The following GAB4 variants were observed in gnomAD, a reference collection of about 807,000 sequenced individuals.
GAB4 encodes the protein GRB2 associated binding protein family member 4, also known as GRB2-associated-binding protein 4.
A neutral mutation model predicts 51.3 loss-of-function variants in GAB4; 26 were observed. The ratio of observed to expected loss-of-function variants is 0.51; its 90% CI spans 0.37 to 0.70. The LOEUF is 0.70. Among genes scored for constraint, GAB4 ranks in the 30% least tolerant of loss-of-function variants. The pLI is 0.00. For missense variants in GAB4, 759 were observed against 734.6 expected (o/e 1.03, Z -0.38); for synonymous variants, 329 against 291.2 (o/e 1.13, Z -1.32).
In GAB4 at chr22:16,992,120, A is replaced by T; in HGVS notation, c.231T>A (p.Asp77Glu). 1 of 1,614,178 alleles carries T rather than the reference A, an allele frequency of 6.2e-7. No homozygotes were observed. The highest frequency in any genetic ancestry group is 2.2e-5 in the East Asian group (1 of 44,882). The change falls in exon 2 of 10, where the codon GAT becomes GAA. Residue 77 changes from aspartate (D) to glutamate (E), a missense_variant. Asp to Glu is a conservative substitution (Grantham distance 45). Around this residue, in one of 3 missense-constraint regions of GAB4, gnomAD observed 88 missense variants for 151.3 expected, o/e 0.58. Coordinates refer to ENST00000400588, the MANE Select transcript of GAB4 (RefSeq NM_001037814.1). ...CATCATTCTTGTAGTATTCCAGAACATCTGGGTCACTGCTAGTCTGGCCCC... is the reference window on the plus strand; with the variant it reads ...CATCATTCTTGTAGTATTCCAGAACTTCTGGGTCACTGCTAGTCTGGCCCC... ...LRRGQTSSDP[D>E]VLEYYKNDGS...
intron 2 of GAB4, among the ~76,000 whole-genome samples, chr22:16,989,725 G>C (rs546179127): frequency 6.6e-6 from 1 of 152,336 alleles, no homozygotes; most frequent in Non-Finnish European, 1.5e-5. Flanking sequence ...GGAGGGTGCA[G>C]CCTGGGAAGC....
intron 1 of GAB4, among the ~76,000 whole-genome samples, chr22:16,993,420 T>A (rs1409306915): frequency 6.6e-6 from 1 of 152,166 alleles, no homozygotes; most frequent in African/African-American, 2.4e-5. Context: ...TTATCACAAC[T>A]CTTTAGAACC....
intron 3 of GAB4, among the ~76,000 whole-genome samples, chr22:16,983,849 T>C (rs2060845456): frequency 6.6e-6 from 1 of 152,106 alleles, no homozygotes; most frequent in South Asian, 2.1e-4. Flanking sequence ...CCATGAAACA[T>C]GTAGAAGAAA....
chr22:16,976,131 A>G (rs1485318804), intron 3 of GAB4, among the ~76,000 whole-genome samples: 1 of 152,138 alleles, frequency 6.6e-6, no homozygotes, highest in Non-Finnish European at 1.5e-5. Flanking sequence ...GAGGATCACA[A>G]CTCCTCACCA....
chr22:16,969,223 T>C lies in GAB4; in HGVS notation c.937+720A>G, dbSNP rs2060709013. On this transcript the variant is annotated intron_variant, in intron 4 of 9. Coordinates refer to ENST00000400588, the MANE Select transcript of GAB4 (RefSeq NM_001037814.1). ...AAAATATTTTGAAGATCTCATTTTG[T>C]TTCAACAGTCTGTTAGTCCACACTG... 3.3e-5 allele frequency among the ~76,000 whole-genome samples: 5 copies of C among 152,234 alleles called. No individual in the cohort carries two copies. The South Asian group carries it at 8.3e-4, about 25-fold the overall frequency.
chr22:16,972,623 T>A (rs1172399841), intron 3 of GAB4, among the ~76,000 whole-genome samples: 1 of 152,148 alleles, frequency 6.6e-6, no homozygotes, highest in Non-Finnish European at 1.5e-5. Flanking sequence ...AATCTACTTC[T>A]CCTGACTGTT....
chr22:16,980,630 C>A (rs921000263), intron 3 of GAB4, among the ~76,000 whole-genome samples: 8 of 152,072 alleles, frequency 5.3e-5, no homozygotes, highest in Non-Finnish European at 8.8e-5. Context: ...CCAGAAATAC[C>A]ATTTGACCCA....
chr22:16,973,723 A>G (rs2060753418), intron 3 of GAB4, among the ~76,000 whole-genome samples: 1 of 152,200 alleles, frequency 6.6e-6, no homozygotes, highest in African/African-American at 2.4e-5. Flanking sequence ...TCCCATCAGC[A>G]CATGCACTCA....
intron 1 of GAB4, among the ~76,000 whole-genome samples, chr22:17,007,446 C>T (rs980262909): frequency 1.4e-5 from 2 of 147,480 alleles, no homozygotes; most frequent in African/African-American, 2.5e-5. Context: ...GCGAGGTGCC[C>T]GCGTTTTCCT....
At chr22:16,992,271 C>A in intron 1 of GAB4, 95 bp from the exon 2 acceptor site, 2 of 1,101,578 alleles carry the variant, frequency 1.8e-6, no homozygotes, top group South Asian at 3.1e-5. Context: ...GGGACTCGGA[C>A]CTGCACTCAG....
rs769659484 is a variant in GAB4 at position 16,988,020 on chromosome 22, G to C, written c.626C>G (p.Pro209Arg). 6.2e-7 allele frequency: 1 copy of C among 1,609,964 alleles called. No homozygotes were observed. The highest frequency in any genetic ancestry group is 8.5e-7 in the Non-Finnish European group (1 of 1,178,692). Residue 209 changes from proline to arginine, a missense_variant, in exon 3 of 10, where the codon CCT becomes CGT. This residue lies in a region of GAB4 where 588 missense variants were observed against 510.2 expected (regional missense o/e 1.15). Coordinates refer to ENST00000400588, the MANE Select transcript of GAB4 (RefSeq NM_001037814.1). ...SHCVPPTWPIPAPPGCLRSHQ... is the reference protein window; with the variant it reads ...SHCVPPTWPIRAPPGCLRSHQ... ...CGAGCGGAGACACCCCGGAGGTGCA[G>C]GGATGGGCCAGGTGGGCGGCACACA...
intron 3 of GAB4, among the ~76,000 whole-genome samples, chr22:16,977,400 T>C (rs2060788441): frequency 6.6e-6 from 1 of 151,296 alleles, no homozygotes; most frequent in South Asian, 2.1e-4. Flanking sequence ...AAACACACTT[T>C]AAACCAAGAA....
chr22:16,987,839 T>G, intron 3 of GAB4, 121 bp downstream of exon 3: 1 of 735,092 alleles, frequency 1.4e-6, no homozygotes, highest in Non-Finnish European at 2.2e-6. Flanking sequence ...TATATATGTT[T>G]GCTTACCTGG....
chr22:17,006,073 C>T (rs774681038), intron 1 of GAB4, among the ~76,000 whole-genome samples: 12 of 152,086 alleles, frequency 7.9e-5, no homozygotes, highest in Admixed American at 4.6e-4. Flanking sequence ...CTATCATCAG[C>T]GTGAACAGGC....
chr22:16,970,382 T>C (rs1488142347), intron 3 of GAB4, among the ~76,000 whole-genome samples, 189 bp from the exon 4 acceptor site: 4 of 152,202 alleles, frequency 2.6e-5, no homozygotes, highest in Non-Finnish European at 4.4e-5. Context: ...GTATTTTCCC[T>C]TTCTGAATTA....
At position 16,971,830 on chromosome 22, in the gene GAB4, G is replaced by A. The variant is rs117497086; in HGVS notation, c.687-1637C>T. On this transcript the variant is annotated intron_variant, in intron 3 of 9. Coordinates refer to ENST00000400588, the MANE Select transcript of GAB4 (RefSeq NM_001037814.1). ...AAAATGAAGGGAAGCAGGTGTGCAG[G>A]CCAGGCTACCTCCTCTGCCAACATG... is the stretch of plus-strand genomic sequence containing the variant. Among the ~76,000 whole-genome samples the A allele has an allele frequency of 3.2e-3, 490 of 152,268 alleles. 2 individuals carry two copies. Among genetic ancestry groups the A allele is most frequent in the East Asian group, 0.015 (77 of 5,178 alleles).
intron 3 of GAB4, among the ~76,000 whole-genome samples, chr22:16,970,757 AACT>A (rs2060723860): frequency 6.6e-6 from 1 of 152,230 alleles, no homozygotes; most frequent in African/African-American, 2.4e-5. Flanking sequence ...AGTTATAAAG[AACT>A]ATTCAGACAT....
chr22:16,969,638 T>G, intron 4 of GAB4: 2 of 639,280 alleles, frequency 3.1e-6, no homozygotes. Context: ...TGTTGTCTAC[T>G]GCAGGAAGGG....
chr22:16,965,104 C>T, intron 7 of GAB4, 74 bp downstream of exon 7: 1 of 1,144,972 alleles, frequency 8.7e-7, no homozygotes, highest in Non-Finnish European at 1.3e-6. Context: ...ATCCTGACCA[C>T]AAGCCAATGA....
Sources: allele counts gnomAD v4.1 joint callset (sites outside exome capture counted in the v4.1 genomes callset), GRCh38; gene constraint gnomAD v4.1.1; regional missense constraint gnomAD v4.1.1; transcripts MANE v1.5; gene names NCBI Gene and HGNC (gene_info 2026-07-23, HGNC 2026-07-21).